The following PDSS2 variants were observed in gnomAD, a reference collection of about 807,000 sequenced individuals.
PDSS2 encodes the protein decaprenyl diphosphate synthase subunit 2, also known as all trans-polyprenyl-diphosphate synthase PDSS2.
A neutral mutation model predicts 44.5 loss-of-function variants in PDSS2; 31 were observed. The observed-to-expected ratio is 0.70, with a 90% CI of 0.52 to 0.94. The LOEUF (loss-of-function observed/expected upper bound fraction) is 0.94. Ranked by LOEUF, PDSS2 falls within the 40% of genes least tolerant of loss-of-function variation. The pLI, the probability that PDSS2 is intolerant of heterozygous loss-of-function variation, is 0.00. For missense variants in PDSS2, 452 were observed against 482.2 expected, an observed-to-expected ratio of 0.94 and a Z score of 0.59; for synonymous variants, 157 against 180.3, an observed-to-expected ratio of 0.87 and a Z score of 1.03.
At chr6:107,163,182 C>G (rs1211356661) in intron 7 of PDSS2, among the ~76,000 whole-genome samples, 1 of 152,134 alleles carries the variant, frequency 6.6e-6, no homozygotes, top group East Asian at 1.9e-4. Context: ...CCAGGCTAAA[C>G]TAAATATCTG....
chr6:107,295,027 G>T (rs1012229755), intron 2 of PDSS2, among the ~76,000 whole-genome samples: 11 of 152,224 alleles, frequency 7.2e-5, no homozygotes, highest in Admixed American at 7.2e-4. Flanking sequence ...CCCCACTGGG[G>T]TTCAAGCGAT....
intron 1 of PDSS2, among the ~76,000 whole-genome samples, chr6:107,365,250 T>C (rs907692655): frequency 6.6e-6 from 1 of 152,114 alleles, no homozygotes; most frequent in Non-Finnish European, 1.5e-5. Flanking sequence ...TAGAGATATA[T>C]TGGAGCAAAG....
At chr6:107,221,320 C>T (rs1435994725) in intron 4 of PDSS2, among the ~76,000 whole-genome samples, 2 of 117,006 alleles carry the variant, frequency 1.7e-5, no homozygotes, top group Admixed American at 1.2e-4. Context: ...CCAGCCTGGG[C>T]GACAGAGTGA....
At chr6:107,364,307 G>A (rs902312097) in intron 1 of PDSS2, among the ~76,000 whole-genome samples, 6 of 152,176 alleles carry the variant, frequency 3.9e-5, no homozygotes, top group African/African-American at 7.2e-5. Flanking sequence ...GGTGCTGGTC[G>A]GGGAGGTTCG....
rs530746319 is a variant in PDSS2, at chr6:107,443,489, T to C, written c.296+15501A>G. 2.8e-4 allele frequency among the ~76,000 whole-genome samples: 42 copies of C among 152,344 alleles called. 1 individual carries two copies. The highest frequency in any genetic ancestry group is 3.4e-3 in the Middle Eastern group (1 of 294). On this transcript the variant is annotated intron_variant, in intron 1 of 7. Transcript: ENST00000369037. The stretch of plus-strand genomic sequence containing the variant: ...CGCTGAATAAACAAATTGCTCTATA[T>C]CCATTCAATGGAATATCTTTCAGCA...
intron 4 of PDSS2, among the ~76,000 whole-genome samples, chr6:107,236,458 ACT>A (rs1437702162): frequency 6.9e-6 from 1 of 145,860 alleles, no homozygotes; most frequent in Admixed American, 6.9e-5. Context: ...ACAGGGCGAG[ACT>A]CTGTCTCAAA....
chr6:107,158,142 A>AGAT (rs1770975733), intron 7 of PDSS2, among the ~76,000 whole-genome samples: 1 of 151,956 alleles, frequency 6.6e-6, no homozygotes, highest in Non-Finnish European at 1.5e-5. Context: ...TCAAGATCAC[A>AGAT]GATGGAGGCA....
intron 7 of PDSS2, among the ~76,000 whole-genome samples, chr6:107,170,295 C>G (rs985590065): frequency 6.6e-6 from 1 of 152,180 alleles, no homozygotes; most frequent in African/African-American, 2.4e-5. Flanking sequence ...GATATAATCT[C>G]CTAGTGTGCC....
chr6:107,415,895 G>T (rs1780643787), intron 1 of PDSS2, among the ~76,000 whole-genome samples: 1 of 152,178 alleles, frequency 6.6e-6, no homozygotes, highest in South Asian at 2.1e-4. Context: ...TCGATTCTCT[G>T]CAGGAGGTTG....
chr6:107,249,310 T>C (rs1774734966), intron 3 of PDSS2, among the ~76,000 whole-genome samples: 1 of 152,178 alleles, frequency 6.6e-6, no homozygotes, highest in Non-Finnish European at 1.5e-5. Context: ...GAAACCAAGA[T>C]TATGGTATTT....
chr6:107,171,280 GC>G (rs1275432136), intron 7 of PDSS2, among the ~76,000 whole-genome samples: 7 of 151,978 alleles, frequency 4.6e-5, no homozygotes, highest in Non-Finnish European at 8.8e-5. Flanking sequence ...TCTCACTTTA[GC>G]CTCCTGAGTA....
At chr6:107,188,431 G>C (rs577824075) in intron 7 of PDSS2, among the ~76,000 whole-genome samples, 1 of 151,912 alleles carries the variant, frequency 6.6e-6, no homozygotes, top group Non-Finnish European at 1.5e-5. Context: ...TTGGGTGAAG[G>C]AGTGTGTCTG....
intron 3 of PDSS2, among the ~76,000 whole-genome samples, chr6:107,262,629 G>T (rs888697037): frequency 1.3e-5 from 2 of 152,080 alleles, no homozygotes; most frequent in Non-Finnish European, 2.9e-5. Context: ...AAAATTAGCT[G>T]GGCATGGTGG....
chr6:107,344,927 T>TA (rs1038159754), intron 1 of PDSS2, among the ~76,000 whole-genome samples: 1 of 152,116 alleles, frequency 6.6e-6, no homozygotes, highest in African/African-American at 2.4e-5. Context: ...TAGGGCCATT[T>TA]AAAAAGTAAT....
At chr6:107,171,457 C>T (rs188964359) in intron 7 of PDSS2, among the ~76,000 whole-genome samples, 16 of 152,218 alleles carry the variant, frequency 1.1e-4, no homozygotes, top group Admixed American at 5.2e-4. Flanking sequence ...CCATCACAAC[C>T]GTCCATGATC....
chr6:107,261,141 C>G (rs1354099423), intron 3 of PDSS2, among the ~76,000 whole-genome samples: 1 of 152,202 alleles, frequency 6.6e-6, no homozygotes, highest in African/African-American at 2.4e-5. Context: ...TTCCTGCCTT[C>G]GCATCTGCAG....
chr6:107,433,738 A>G lies in PDSS2; in HGVS notation c.296+25252T>C, dbSNP rs117356534. 9.0e-3 allele frequency among the ~76,000 whole-genome samples: 1,374 copies of G among 152,390 alleles called. 50 individuals are homozygous for G. In the East Asian group the frequency reaches 0.12, roughly 13 times the overall value. On this transcript the variant is annotated intron_variant, in intron 1 of 7. Transcript: ENST00000369037. ...AGATTACTTGAATAATGTCCCAAAA[A>G]GCACAGGCAACCAAAGCAAAAATGG...
At chr6:107,285,678 G>GA (rs1174585056) in intron 2 of PDSS2, among the ~76,000 whole-genome samples, 6 of 151,846 alleles carry the variant, frequency 4.0e-5, no homozygotes, top group South Asian at 2.1e-4. Context: ...TCATTTATGA[G>GA]AAAAAAATGT....
Position 107,312,339 on chromosome 6 carries a change from T to C in PDSS2, c.431+21859A>G, listed in dbSNP as rs914175103. On this transcript the variant is annotated intron_variant, in intron 2 of 7. Coordinates refer to ENST00000369037, the MANE Select transcript of PDSS2 (RefSeq NM_020381.4). ...CCTTTGTAGGTGGACCAGGCCTCTC[T>C]AGAACCCTACCAGAACCTATTCTTT... is the stretch of plus-strand genomic sequence containing the variant. 3.3e-4 allele frequency among the ~76,000 whole-genome samples: 50 copies of C among 152,320 alleles called. 1 individual carries two copies. Among genetic ancestry groups the C allele is most frequent in the African/African-American group, 1.2e-3 (50 of 41,566 alleles).
Sources: allele counts gnomAD v4.1 joint callset (sites outside exome capture counted in the v4.1 genomes callset), GRCh38; gene constraint gnomAD v4.1.1; transcripts MANE v1.5; gene names NCBI Gene and HGNC (gene_info 2026-07-23, HGNC 2026-07-21).